MIA3: variants seen among roughly 807,000 people sequenced by gnomAD.
The protein encoded by MIA3 is MIA SH3 domain ER export factor 3.
In MIA3, 90 loss-of-function variants were observed where a neutral mutation model predicts 192.4. The observed-to-expected ratio is 0.47, with a 90% CI of 0.39 to 0.56. The LOEUF (loss-of-function observed/expected upper bound fraction) is 0.56. Ranked by LOEUF, MIA3 falls within the 20% of genes least tolerant of loss-of-function variation. The probability of loss-of-function intolerance (pLI) is 0.00; values close to 1 mark genes in which losing one functional copy is unlikely to be tolerated. For missense variants in MIA3, 2,123 were observed against 2,269.4 expected (o/e 0.94, Z 1.31); for synonymous variants, 740 against 792.8 (o/e 0.93, Z 1.12).
chr1:222,661,729 T>G (rs560275347), intron 24 of MIA3, among the ~76,000 whole-genome samples: 1 of 152,316 alleles, frequency 6.6e-6, no homozygotes, highest in East Asian at 1.9e-4. Flanking sequence ...ATCCTAAATA[T>G]GTCTATAATA....
chr1:222,659,543 G>T, intron 20 of MIA3, 30 bp downstream of exon 20: 1 of 1,610,820 alleles, frequency 6.2e-7, no homozygotes, highest in Non-Finnish European at 8.5e-7. Context: ...ACTATATAGT[G>T]CCCGGAATTC....
Position 222,618,106 on chromosome 1 carries a change from A to G in MIA3, c.-5A>G. On this transcript the variant is annotated 5_prime_UTR_variant, in exon 1 of 28. Coordinates refer to ENST00000344922, the MANE Select transcript of MIA3 (RefSeq NM_198551.4). ...GCGTCACCGGCTCCCCGAGGTGACC[A>G]CAACATGGCTGCGGCGCCTGGGCTG... The G allele has an allele frequency of 7.1e-7, 1 of 1,413,262 alleles. No individual in the cohort carries two copies. The highest frequency in any genetic ancestry group is 1.5e-5 in the African/African-American group (1 of 64,682). The allele number at this position is 1,413,262 out of a possible 1,614,324, so 87.5% of individuals were successfully genotyped here.
At chr1:222,626,761 A>G (rs934258463) in intron 3 of MIA3, among the ~76,000 whole-genome samples, 11 of 152,190 alleles carry the variant, frequency 7.2e-5, no homozygotes, top group African/African-American at 2.2e-4. Context: ...TTTATATCTC[A>G]TGCACCTGTA....
In MIA3 at chr1:222,628,933, G is replaced by A. The variant is rs1432600236; in HGVS notation, c.1713G>A (p.Lys571=). 1.9e-6 allele frequency: 3 copies of A among 1,614,196 alleles called. No homozygotes were observed. The South Asian group carries it at 3.3e-5, about 18-fold the overall frequency. Residue 571 remains lysine, a synonymous_variant, in exon 4 of 28, where the codon AAG becomes AAA. Coordinates refer to ENST00000344922, the MANE Select transcript of MIA3 (RefSeq NM_198551.4). Reference sequence around the variant, plus strand: ...CAGGGAATCAAATGAATGACAGAAAGATTCAACAGGAATCCCTGGGTAGTG... The same window carrying A: ...CAGGGAATCAAATGAATGACAGAAAAATTCAACAGGAATCCCTGGGTAGTG... ...KAAGNQMNDR[K]IQQESLGSAP...
chr1:222,638,527 AACACACACACAC>A (rs142663900), intron 6 of MIA3, among the ~76,000 whole-genome samples: 1 of 148,828 alleles, frequency 6.7e-6, no homozygotes, highest in African/African-American at 2.5e-5. Flanking sequence ...GTTTCTACAA[AACACACACACAC>A]ACACACACAC....
chr1:222,627,612 A>G lies in MIA3; in HGVS notation c.392A>G (p.Asp131Gly). The G allele has an allele frequency of 6.3e-7, 1 of 1,580,028 alleles. No homozygotes were observed. Among genetic ancestry groups the G allele is most frequent in the African/African-American group, 1.4e-5 (1 of 72,696 alleles). ...DFVCFDGGRD[D>G]FHNYNVEELL... ...GTTTGTTTTGATGGAGGAAGAGATG[A>G]TTTTCATAATTATAATGTAGAAGAA... The change falls in exon 4 of 28, where the codon GAT becomes GGT. Residue 131 changes from aspartate (D) to glycine (G), a missense_variant. By Grantham distance (94) the Asp-to-Gly change is moderately conservative. This residue lies in a region of MIA3 where 1,357 missense variants were observed against 1,396.1 expected (regional missense o/e 0.97). Transcript: ENST00000344922.
chr1:222,655,627 C>T (rs188686014), intron 18 of MIA3, among the ~76,000 whole-genome samples: 1 of 152,324 alleles, frequency 6.6e-6, no homozygotes, highest in East Asian at 1.9e-4. Context: ...GCTCACCAGG[C>T]AGCCAGTTTA....
intron 2 of MIA3, among the ~76,000 whole-genome samples, chr1:222,623,606 A>G (rs1027751496): frequency 3.9e-5 from 6 of 152,166 alleles, no homozygotes; most frequent in South Asian, 4.1e-4. Context: ...TCTAATCTCC[A>G]TGGCAGTATT....
Position 222,654,245 on chromosome 1 carries a change from G to A in MIA3, c.4324G>A (p.Asp1442Asn), listed in dbSNP as rs779808017. The change falls in exon 16 of 28, where the codon GAC becomes AAC. Residue 1442 changes from aspartate to asparagine, a missense_variant and splice_region_variant. Physicochemically the swap from Asp to Asn is conservative, Grantham distance 23. Around this residue, in one of 3 missense-constraint regions of MIA3, gnomAD observed 762 missense variants for 856.4 expected, o/e 0.89. Transcript: ENST00000344922. ...AAAGAAAGCCTTTTGTTTTTTAGGT[G>A]ACCGGAATGAGAAGATGAAAAATCA... ...DELANGEVGG[D>N]RNEKMKNQIK... The A allele has an allele frequency of 5.0e-6, 8 of 1,613,406 alleles. No homozygotes were observed. In the African/African-American group the frequency reaches 1.1e-4, roughly 22 times the overall value.
At position 222,650,630 on chromosome 1, in the gene MIA3, A is replaced by G. The variant is rs773547528; in HGVS notation, c.3721-4A>G. 1.9e-6 allele frequency: 3 copies of G among 1,555,700 alleles called. No homozygotes were observed. Among genetic ancestry groups the G allele is most frequent in the East Asian group, 4.5e-5 (2 of 44,474 alleles). On this transcript the variant is annotated splice_polypyrimidine_tract_variant and splice_region_variant and intron_variant, in intron 9 of 27. Coordinates refer to ENST00000344922, the MANE Select transcript of MIA3 (RefSeq NM_198551.4). ...CTGGATTCTGAATGCTTTATTTTATATAGATCAAGGAATCAAAGAAACATG... is the reference window on the plus strand; with the variant it reads ...CTGGATTCTGAATGCTTTATTTTATGTAGATCAAGGAATCAAAGAAACATG...
chr1:222,639,186 A>G (rs1662752893), intron 6 of MIA3, among the ~76,000 whole-genome samples: 1 of 152,232 alleles, frequency 6.6e-6, no homozygotes, highest in Non-Finnish European at 1.5e-5. Flanking sequence ...ACAGACTGCA[A>G]AAGCTCATTC....
At chr1:222,647,905 A>AT (rs1244224295) in intron 7 of MIA3, 1 of 375,334 alleles carries the variant, frequency 2.7e-6, no homozygotes, top group African/African-American at 2.1e-5. Context: ...TACTGGAATT[A>AT]TTATGTATAC....
intron 7 of MIA3, among the ~76,000 whole-genome samples, chr1:222,647,552 G>A (rs768619713): frequency 2.0e-5 from 3 of 152,104 alleles, no homozygotes; most frequent in Admixed American, 6.5e-5. Context: ...TAACCTCCTG[G>A]TGCTTTTCTT....
Position 222,618,122 on chromosome 1 carries a change from G to C in MIA3, c.12G>C (p.Ala4=). 2 of 1,495,180 alleles carry C rather than the reference G, an allele frequency of 1.3e-6. No individual in the cohort carries two copies. Among genetic ancestry groups the C allele is most frequent in the Non-Finnish European group, 1.8e-6 (2 of 1,125,778 alleles). The allele number at this position is 1,495,180 out of a possible 1,614,324, so 92.6% of individuals were successfully genotyped here. The change falls in exon 1 of 28, where the codon GCG becomes GCC. Residue 4 remains alanine, a synonymous_variant. Coordinates refer to ENST00000344922, the MANE Select transcript of MIA3 (RefSeq NM_198551.4). The part of the protein sequence containing the change: MAA[A]PGLLVWLLVL... ...GAGGTGACCACAACATGGCTGCGGCGCCTGGGCTGCTCGTCTGGCTGCTCG... is the reference window on the plus strand; with the variant it reads ...GAGGTGACCACAACATGGCTGCGGCCCCTGGGCTGCTCGTCTGGCTGCTCG...
Position 222,628,043 on chromosome 1 carries a change from T to C in MIA3, c.823T>C (p.Leu275=). 6.2e-7 allele frequency: 1 copy of C among 1,614,124 alleles called. No individual in the cohort carries two copies. The highest frequency in any genetic ancestry group is 8.5e-7 in the Non-Finnish European group (1 of 1,180,022). The change falls in exon 4 of 28, where the codon TTG becomes CTG. Residue 275 remains leucine (L), a synonymous_variant. Coordinates refer to ENST00000344922, the MANE Select transcript of MIA3 (RefSeq NM_198551.4). The part of the protein sequence containing the change: ...KLLKKEMTLD[L]KTKFGSTADA... Reference sequence around the variant, plus strand: ...TTTGAAAAAAGAAATGACTCTAGACTTGAAAACCAAATTTGGCTCAACAGC... The same window carrying C: ...TTTGAAAAAAGAAATGACTCTAGACCTGAAAACCAAATTTGGCTCAACAGC...
chr1:222,637,683 A>ATTTTTTTT (rs778221337), intron 6 of MIA3, among the ~76,000 whole-genome samples: 2 of 29,838 alleles, frequency 6.7e-5, no homozygotes, highest in Non-Finnish European at 1.5e-4. Flanking sequence ...AATCAAGAAT[A>ATTTTTTTT]ATTTTTTTTT....
At chr1:222,644,967 T>C (rs889175497) in intron 6 of MIA3, among the ~76,000 whole-genome samples, 6 of 152,196 alleles carry the variant, frequency 3.9e-5, no homozygotes, top group Non-Finnish European at 7.3e-5. Context: ...TTTAATGCAC[T>C]GTTTTCAAGG....
chr1:222,637,080 T>C (rs1213745022), intron 6 of MIA3, among the ~76,000 whole-genome samples: 1 of 152,240 alleles, frequency 6.6e-6, no homozygotes, highest in African/African-American at 2.4e-5. Flanking sequence ...TTTAGTTTGC[T>C]TGTTGCTTTC....
intron 6 of MIA3, among the ~76,000 whole-genome samples, chr1:222,634,702 G>C (rs1662554702): frequency 6.6e-6 from 1 of 152,188 alleles, no homozygotes; most frequent in South Asian, 2.1e-4. Context: ...GGGCTACAGA[G>C]AAAGTATGCT....
Sources: gnomAD v4.1 joint callset for allele counts (sites outside exome capture counted in the v4.1 genomes callset) on GRCh38, gnomAD v4.1.1 for gene constraint, gnomAD v4.1.1 regional missense constraint, MANE v1.5 for transcripts, NCBI Gene and HGNC (gene_info 2026-07-23, HGNC 2026-07-21) for gene names.